Variants in SYNE1 observed in about 807,000 individuals in gnomAD.
The protein encoded by SYNE1 is nesprin-1.
SYNE1 carries 616 observed loss-of-function variants against 1,111.0 expected under a neutral mutation model. That is an observed-to-expected ratio of 0.55 (90% CI 0.52 to 0.59). SYNE1 has a LOEUF of 0.59. Ranked by LOEUF, SYNE1 falls within the 20% of genes least tolerant of loss-of-function variation. SYNE1 has a pLI of 0.00. For synonymous variants in SYNE1, 3,855 were observed against 3,825.8 expected (o/e 1.01, Z -0.28); for missense variants, 10,006 against 10,417.0 (o/e 0.96, Z 1.72).
rs1376958261 is a variant in SYNE1, at chr6:152,326,526, A to G, written c.15063T>C (p.Asn5021=). 9.9e-6 allele frequency: 16 copies of G among 1,614,048 alleles called. No homozygotes were observed. Among genetic ancestry groups the G allele is most frequent in the Admixed American group, 5.0e-5 (3 of 60,002 alleles). Residue 5021 remains asparagine, a synonymous_variant, in exon 79 of 146, where the codon AAT becomes AAC. Transcript: ENST00000367255. ...DAQELLQLAG[N]GLDVESAEEN... is the part of the protein sequence containing the mutation. ...CCTCTGCGCTCTCCACGTCTAGGCC[A>G]TTGCCTGCCAGCTGTAACAATTCTT...
intron 124 of SYNE1, among the ~76,000 whole-genome samples, chr6:152,209,166 T>C (rs2153414923): frequency 6.6e-6 from 1 of 152,360 alleles, no homozygotes; most frequent in African/African-American, 2.4e-5. Flanking sequence ...ACAATAGTTT[T>C]GCTTTTCTTC....
intron 99 of SYNE1, 73 bp downstream of exon 99, chr6:152,269,082 C>T: frequency 6.2e-7 from 1 of 1,605,380 alleles, no homozygotes; most frequent in Non-Finnish European, 8.5e-7. Context: ...ACTTGTCTGT[C>T]CTTCTGAAAT....
At chr6:152,519,128 A>G (rs58488047) in intron 6 of SYNE1, among the ~76,000 whole-genome samples, 5,383 of 152,206 alleles carry the variant, frequency 0.035, 329 homozygotes, top group African/African-American at 0.12. Flanking sequence ...CCTAAAACTT[A>G]AAGTATAATA....
intron 129 of SYNE1, among the ~76,000 whole-genome samples, chr6:152,179,794 C>T (rs1165017809): frequency 6.7e-6 from 1 of 148,370 alleles, no homozygotes; most frequent in Non-Finnish European, 1.5e-5. Context: ...AAGTGATTCC[C>T]CTGCCTCAGC....
chr6:152,416,988 T>C lies in SYNE1; in HGVS notation c.5449A>G (p.Lys1817Glu). The change falls in exon 41 of 146, where the codon AAG becomes GAG. Residue 1817 changes from lysine to glutamate, a missense_variant. Physicochemically the swap from Lys to Glu is moderately conservative, Grantham distance 56 (BLOSUM62 1). Around this residue, in one of 7 missense-constraint regions of SYNE1, gnomAD observed 4,955 missense variants for 5,017.2 expected, o/e 0.99. Transcript: ENST00000367255. ...CCCTGCAGACTCTGCAATTCGCCCT[T>C]TTTGCTCTCTACTTCTGCTGCGTGG... The part of the protein sequence containing the change: ...KDHAAEVESK[K>E]GELQSLQGHL... 6.2e-7 allele frequency: 1 copy of C among 1,614,126 alleles called. No individual in the cohort carries two copies. Among genetic ancestry groups the C allele is most frequent in the Non-Finnish European group, 8.5e-7 (1 of 1,180,028 alleles).
chr6:152,293,849 G>A lies in SYNE1; in HGVS notation c.17851-100C>T, dbSNP rs78552550. 2.5e-3 allele frequency: 4,096 copies of A among 1,607,528 alleles called. 84 individuals are homozygous for A. In the African/African-American group the frequency reaches 0.05, roughly 19 times the overall value. On this transcript the variant is annotated intron_variant, in intron 94 of 145. Coordinates refer to ENST00000367255, the MANE Select transcript of SYNE1 (RefSeq NM_182961.4). ...TGCTTTACCTCTGTGGCCCAACATAGGGTACTCAACTGTGGACTGGATATG... is the reference window on the plus strand; with the variant it reads ...TGCTTTACCTCTGTGGCCCAACATAAGGTACTCAACTGTGGACTGGATATG...
chr6:152,363,176 C>A (rs1458671221), intron 63 of SYNE1, among the ~76,000 whole-genome samples: 3 of 149,182 alleles, frequency 2.0e-5, no homozygotes, highest in Admixed American at 6.6e-5. Flanking sequence ...CCACCACACC[C>A]GGCCTACACA....
chr6:152,145,427 A>C, intron 137 of SYNE1: 22 of 1,494,376 alleles, frequency 1.5e-5, no homozygotes, highest in Non-Finnish European at 2.0e-5. Context: ...AGATGTGCTA[A>C]GAGAGGAGGA....
chr6:152,505,208 A>G lies in SYNE1; in HGVS notation c.771T>C (p.Asp257=). ...ETELGIPRLL[D]PEDVDVDKPD... ...AATGAATATTCAGCCTACCTTCAGG[A>G]TCTAGCAGTCTTGGGATCCCCAGTT... is the stretch of plus-strand genomic sequence containing the variant. The change falls in exon 9 of 146, where the codon GAT becomes GAC. Residue 257 remains aspartate, a synonymous_variant. Coordinates refer to ENST00000367255, the MANE Select transcript of SYNE1 (RefSeq NM_182961.4). The G allele has an allele frequency of 6.2e-7, 1 of 1,614,046 alleles. No individual in the cohort carries two copies.
At position 152,430,711 on chromosome 6, in the gene SYNE1, TA is replaced by T; in HGVS notation, c.4462-3del. ...ACTTTCTATTTCCTGAATTGTGACC[TA>T]ATAGTTAAAACAAGAAAAATGACAA... On this transcript the variant is annotated splice_polypyrimidine_tract_variant and splice_region_variant and intron_variant, in intron 34 of 145. Coordinates refer to ENST00000367255, the MANE Select transcript of SYNE1 (RefSeq NM_182961.4). 1.9e-6 allele frequency: 3 copies of T among 1,613,402 alleles called. No individual in the cohort carries two copies. Among genetic ancestry groups the T allele is most frequent in the Non-Finnish European group, 2.5e-6 (3 of 1,179,472 alleles).
Position 152,359,401 on chromosome 6 carries a change from C to A in SYNE1, c.10357G>T (p.Gly3453Trp), listed in dbSNP as rs139823841. 6.2e-7 allele frequency: 1 copy of A among 1,614,162 alleles called. No homozygotes were observed. Among genetic ancestry groups the A allele is most frequent in the East Asian group, 2.2e-5 (1 of 44,870 alleles). The part of the protein sequence containing the change: ...SSLLETIEVK[G>W]AGMTEHYVTQ... ...ACATAGTGTTCTGTCATGCCAGCCCCTTTGACTTCGATGGTCTCCAGCAAG... is the reference window on the plus strand; with the variant it reads ...ACATAGTGTTCTGTCATGCCAGCCCATTTGACTTCGATGGTCTCCAGCAAG... Residue 3453 changes from glycine to tryptophan, a missense_variant, in exon 65 of 146, where the codon GGG becomes TGG. Gly to Trp is a radical substitution (Grantham distance 184). Transcript: ENST00000367255.
chr6:152,470,248 C>T (rs1449912472), intron 16 of SYNE1, among the ~76,000 whole-genome samples: 1 of 152,128 alleles, frequency 6.6e-6, no homozygotes, highest in Non-Finnish European at 1.5e-5. Flanking sequence ...TGTGTTGGAA[C>T]ATTAACCTGG....
chr6:152,322,753 T>C (rs1590044294), intron 82 of SYNE1, among the ~76,000 whole-genome samples: 3 of 152,330 alleles, frequency 2.0e-5, no homozygotes. Flanking sequence ...TTCTTACATG[T>C]CATTTCCCTG....
At chr6:152,369,982 C>CAA (rs778013525) in intron 59 of SYNE1, among the ~76,000 whole-genome samples, 1,123 of 49,760 alleles carry the variant, frequency 0.023, 165 homozygotes, top group African/African-American at 0.057. Flanking sequence ...GACTCTGTCT[C>CAA]AAAAAAAAAA....
At position 152,224,625 on chromosome 6, in the gene SYNE1, G is replaced by T; in HGVS notation, c.21391C>A (p.Gln7131Lys). Reference protein sequence around the residue: ...LKILLKSVLDQWSSHKVAFDK... With the variant: ...LKILLKSVLDKWSSHKVAFDK... ...AAGGCCACTTTGTGACTACTCCATT[G>T]GTCAAGCACTGATTTCAGCAGTATC... Residue 7131 changes from glutamine (Q) to lysine (K), a missense_variant, in exon 117 of 146, where the codon CAA becomes AAA. Coordinates refer to ENST00000367255, the MANE Select transcript of SYNE1 (RefSeq NM_182961.4). 6.2e-7 allele frequency: 1 copy of T among 1,613,736 alleles called. No homozygotes were observed.
intron 3 of SYNE1, among the ~76,000 whole-genome samples, chr6:152,565,252 T>C (rs547043768): frequency 2.0e-5 from 3 of 152,350 alleles, no homozygotes; most frequent in Non-Finnish European, 4.4e-5. Flanking sequence ...GTATATTTAC[T>C]GAGCAAATCC....
At chr6:152,455,354 C>T (rs2098688521) in intron 24 of SYNE1, 72 bp downstream of exon 24, 1 of 1,535,190 alleles carries the variant, frequency 6.5e-7, no homozygotes, top group Non-Finnish European at 8.8e-7. Flanking sequence ...ATCAGCATGC[C>T]TTTTTTAAGC....
chr6:152,260,840 G>C, intron 101 of SYNE1, among the ~76,000 whole-genome samples: 1 of 152,052 alleles, frequency 6.6e-6, no homozygotes, highest in Middle Eastern at 3.2e-3. Flanking sequence ...TGAGCATCTA[G>C]TGCTGCTACT....
chr6:152,317,070 C>T, intron 86 of SYNE1, 84 bp from the exon 87 acceptor site: 1 of 1,522,514 alleles, frequency 6.6e-7, no homozygotes, highest in Middle Eastern at 2.2e-4. Context: ...TCTTTGGACA[C>T]AACAGTCTTA....
Sources: gnomAD v4.1 joint callset for allele counts (sites outside exome capture counted in the v4.1 genomes callset) on GRCh38, gnomAD v4.1.1 for gene constraint, gnomAD v4.1.1 regional missense constraint, MANE v1.5 for transcripts, NCBI Gene and HGNC (gene_info 2026-07-23, HGNC 2026-07-21) for gene names.